The following CAPRIN2 variants were observed in gnomAD, a reference collection of about 807,000 sequenced individuals.
CAPRIN2 encodes caprin family member 2, also known as caprin-2.
Under a neutral mutation model 130.4 loss-of-function variants are expected in CAPRIN2, and 66 were observed. The observed-to-expected ratio is 0.51, with a 90% confidence interval of 0.42 to 0.62. The LOEUF is 0.62. Among genes scored for constraint, CAPRIN2 ranks in the 20% least tolerant of loss-of-function variants. The pLI, the probability that CAPRIN2 is intolerant of heterozygous loss-of-function variation, is 0.00. For synonymous variants in CAPRIN2, 471 were observed against 444.1 expected, an observed-to-expected ratio of 1.06 and a Z score of -0.76; for missense variants, 1,185 against 1,246.6, an observed-to-expected ratio of 0.95 and a Z score of 0.74.
At chr12:30,712,584 T>C (rs1256069499) in intron 15 of CAPRIN2, among the ~76,000 whole-genome samples, 1 of 152,128 alleles carries the variant, frequency 6.6e-6, no homozygotes, top group African/African-American at 2.4e-5. Context: ...GAATATCTCA[T>C]GGAGAATACC....
intron 6 of CAPRIN2, among the ~76,000 whole-genome samples, chr12:30,730,736 A>T (rs559190118): frequency 6.6e-6 from 1 of 152,138 alleles, no homozygotes; most frequent in Admixed American, 6.5e-5. Context: ...TAGTATTAAG[A>T]ACTAAGGGGA....
At chr12:30,711,445 T>G in intron 16 of CAPRIN2, 121 bp downstream of exon 18, 1 of 780,512 alleles carries the variant, frequency 1.3e-6, no homozygotes, top group Non-Finnish European at 2.2e-6. Context: ...TCAAGCAAAT[T>G]GAAAACCTCA....
chr12:30,713,269 G>A (rs2055934115), intron 15 of CAPRIN2, among the ~76,000 whole-genome samples: 1 of 152,132 alleles, frequency 6.6e-6, no homozygotes, highest in Non-Finnish European at 1.5e-5. Context: ...CCTCTTATGA[G>A]TCTTTTACCA....
exon 6 of CAPRIN2, chr12:30,731,379 T>C (rs1309763146): frequency 6.2e-7 from 1 of 1,612,898 alleles, no homozygotes; most frequent in Non-Finnish European, 8.5e-7. Context: ...GATAATTGTG[T>C]TTTTTTCTCT....
At chr12:30,711,153 A>G (rs1304098524) in intron 16 of CAPRIN2, among the ~76,000 whole-genome samples, 1 of 152,180 alleles carries the variant, frequency 6.6e-6, no homozygotes, top group Non-Finnish European at 1.5e-5. Flanking sequence ...AAGTGTTATA[A>G]CTATTCTGCT....
intron 12 of CAPRIN2, among the ~76,000 whole-genome samples, chr12:30,718,420 T>C (rs1565565575): frequency 6.6e-6 from 1 of 152,172 alleles, no homozygotes; most frequent in African/African-American, 2.4e-5. Flanking sequence ...TCCGAAGTGC[T>C]TGGAGTGGGA....
intron 2 of CAPRIN2, among the ~76,000 whole-genome samples, chr12:30,750,119 C>T (rs1186696677): frequency 6.6e-6 from 1 of 152,216 alleles, no homozygotes; most frequent in Non-Finnish European, 1.5e-5. Context: ...TCCAGCTAAG[C>T]CCTCTCCCCA....
intron 2 of CAPRIN2, among the ~76,000 whole-genome samples, chr12:30,742,376 A>G (rs2067894633): frequency 6.6e-6 from 1 of 152,104 alleles, no homozygotes; most frequent in Non-Finnish European, 1.5e-5. Context: ...ATTTTTACCT[A>G]TGAAGTTAAT....
chr12:30,740,954 ACT>A lies in CAPRIN2; in HGVS notation c.570+64_570+65del, dbSNP rs2067181625. ...AAACACCATTACTAGACACTGACAC[ACT>A]GACATTTTCTCCAAGATCAGTGGTT... On this transcript the variant is annotated intron_variant, in intron 3 of 16. Transcript: ENST00000298892. The A allele has an allele frequency of 5.4e-6, 5 of 919,998 alleles. No homozygotes were observed. The Admixed American group carries it at 9.8e-5, about 18-fold the overall frequency. The allele number at this position is 919,998 out of a possible 1,614,324, so 57.0% of individuals were successfully genotyped here. A position where few individuals can be genotyped will look rare whatever the true frequency, so the allele number is the denominator to read the frequency against.
At chr12:30,718,549 A>G (rs1565566062) in intron 12 of CAPRIN2, among the ~76,000 whole-genome samples, 1 of 152,194 alleles carries the variant, frequency 6.6e-6, no homozygotes, top group African/African-American at 2.4e-5. Flanking sequence ...CTGTAATATT[A>G]TTTTTTTAAA....
At position 30,710,465 on chromosome 12, in the gene CAPRIN2, A is replaced by G; in HGVS notation, c.2671T>C (p.Trp891Arg). The change falls in exon 17 of 17, where the codon TGG becomes CGG. Residue 891 changes from tryptophan to arginine, a missense_variant. Around this residue, in one of 2 missense-constraint regions of CAPRIN2, gnomAD observed 1,104 missense variants for 1,104.3 expected, o/e 1.00. Coordinates refer to ENST00000298892, the Ensembl canonical transcript of CAPRIN2. This position sits in a 1 kb window ranked among gnomAD's most constrained non-coding sequence, Gnocchi z 4.8. ...CTGCTCACCTGAGAAGAATCACTCC[A>G]CCCTGCTGTTTTATTAGCAACAGTG... 1.2e-6 allele frequency: 2 copies of G among 1,613,896 alleles called. No individual in the cohort carries two copies. The highest frequency in any genetic ancestry group is 1.7e-6 in the Non-Finnish European group (2 of 1,179,906).
chr12:30,749,849 A>G (rs1464471553), intron 2 of CAPRIN2, among the ~76,000 whole-genome samples: 2 of 152,244 alleles, frequency 1.3e-5, no homozygotes, highest in Admixed American at 1.3e-4. Context: ...ATGTGGCTAT[A>G]AAGACAGTAA....
intron 2 of CAPRIN2, among the ~76,000 whole-genome samples, chr12:30,747,264 C>T (rs749691630): frequency 6.6e-6 from 1 of 152,172 alleles, no homozygotes; most frequent in Non-Finnish European, 1.5e-5. Context: ...GACAAGGCAC[C>T]TTGTCACCCA....
exon 17 of CAPRIN2, chr12:30,709,798 A>T: frequency 7.3e-7 from 1 of 1,366,250 alleles, no homozygotes; most frequent in South Asian, 1.5e-5. Context: ...CTCTAGGAAC[A>T]AAAACATTTT....
At position 30,753,707 on chromosome 12, in the gene CAPRIN2, CTT is replaced by C; in HGVS notation, c.55_56del (p.Lys19GlufsTer7). Reference sequence around the variant, plus strand: ...AAAGTCTAGACCACTCCCTTAAACTCTTTTCCACAGAAGTGAGCTCGAAACCC... The same window carrying C: ...AAAGTCTAGACCACTCCCTTAAACTCTTCCACAGAAGTGAGCTCGAAACCC... On this transcript the variant is annotated frameshift_variant, in exon 1 of 17. Transcript: ENST00000298892. LOFTEE classifies it high-confidence loss of function. 6.2e-7 allele frequency: 1 copy of C among 1,614,006 alleles called. No individual in the cohort carries two copies. The highest frequency in any genetic ancestry group is 8.5e-7 in the Non-Finnish European group (1 of 1,179,970).
At chr12:30,736,998 A>G (rs1014352089) in intron 3 of CAPRIN2, among the ~76,000 whole-genome samples, 1 of 151,980 alleles carries the variant, frequency 6.6e-6, no homozygotes, top group Admixed American at 6.6e-5. Flanking sequence ...CTATCAAAGT[A>G]TTTTTGGGTT....
chr12:30,730,186 C>A, intron 7 of CAPRIN2, 53 bp downstream of exon 8: 1 of 1,421,570 alleles, frequency 7.0e-7, no homozygotes, highest in African/African-American at 1.4e-5. Context: ...AACCATAACC[C>A]TATGCAAAAG....
intron 2 of CAPRIN2, among the ~76,000 whole-genome samples, chr12:30,742,110 A>G (rs2067740751): frequency 6.6e-6 from 1 of 152,164 alleles, no homozygotes; most frequent in African/African-American, 2.4e-5. Context: ...TCAGAGCACA[A>G]AAGAGAACTT....
intron 5 of CAPRIN2, among the ~76,000 whole-genome samples, chr12:30,732,144 G>A (rs1280013039): frequency 6.6e-6 from 1 of 151,962 alleles, no homozygotes; most frequent in Admixed American, 6.6e-5. Context: ...TTTTACTCGA[G>A]TTATGCTGTT....
Sources: gnomAD v4.1 joint callset for allele counts (sites outside exome capture counted in the v4.1 genomes callset) on GRCh38, gnomAD v4.1.1 for gene constraint, gnomAD v4.1.1 regional missense constraint, Gnocchi (gnomAD v3.1) non-coding constraint, MANE v1.5 for transcripts, NCBI Gene and HGNC (gene_info 2026-07-23, HGNC 2026-07-21) for gene names.